The following UGT2A1 variants were observed in gnomAD, a reference collection of about 807,000 sequenced individuals.
UGT2A1 encodes UDP-glucuronosyltransferase 2A1.
Under a neutral mutation model 45.4 loss-of-function variants are expected in UGT2A1, and 61 were observed. The observed-to-expected ratio is 1.34, with a 90% CI of 1.09 to 1.66. The LOEUF is 1.66. UGT2A1 is among the 40% of genes most tolerant of loss of function. The pLI is 0.00. For missense variants in UGT2A1, 649 were observed against 574.3 expected (o/e 1.13, Z -1.33); for synonymous variants, 229 against 196.2 (o/e 1.17, Z -1.40).
At chr4:69,606,636 C>T (rs1237816657) in intron 3 of UGT2A1, among the ~76,000 whole-genome samples, 1 of 136,894 alleles carries the variant, frequency 7.3e-6, no homozygotes, top group Non-Finnish European at 1.6e-5. Flanking sequence ...CAAATTGTCC[C>T]TGTTTGCAGT....
In UGT2A1 at chr4:69,639,033, G is replaced by A. The variant is rs185641136; in HGVS notation, c.716-3211C>T. 488 of 1,613,194 alleles carry A rather than the reference G, an allele frequency of 3.0e-4. 1 individual carries two copies. In the African/African-American group the frequency reaches 5.9e-3, roughly 19 times the overall value. On this transcript the variant is annotated intron_variant, in intron 2 of 6. Transcript: ENST00000286604. Reference sequence around the variant, plus strand: ...GTCAGTGAGCTCTGATAAGGCTGCCGGTACATAGGAGACTGGTGCTGGGAT... The same window carrying A: ...GTCAGTGAGCTCTGATAAGGCTGCCAGTACATAGGAGACTGGTGCTGGGAT...
At chr4:69,648,251 CAT>C (rs1470936521) in intron 1 of UGT2A1, among the ~76,000 whole-genome samples, 1 of 148,166 alleles carries the variant, frequency 6.7e-6, no homozygotes, top group African/African-American at 2.5e-5. Context: ...ATGTATAACA[CAT>C]ATAGTATTAT....
Position 69,647,547 on chromosome 4 carries a change from C to G in UGT2A1, c.98G>C (p.Trp33Ser), listed in dbSNP as rs1722336642. Residue 33 changes from tryptophan (W) to serine (S), a missense_variant, in exon 2 of 7, where the codon TGG becomes TCG. Physicochemically the swap from Trp to Ser is radical, Grantham distance 177. Transcript: ENST00000286604. The stretch of plus-strand genomic sequence containing the variant: ...ATCTATAATTATCTTAACATTTAGC[C>G]AATGACTACCTTCCATTGGCCAAAT... ...VLIWPMEGSH[W>S]LNVKIIIDEL... The G allele has an allele frequency of 2.5e-6, 4 of 1,612,460 alleles. No individual in the cohort carries two copies. In the East Asian group the frequency reaches 6.7e-5, roughly 27 times the overall value.
intron 2 of UGT2A1, chr4:69,639,355 T>C (rs1277532021): frequency 1.2e-6 from 2 of 1,613,622 alleles, no homozygotes; most frequent in Non-Finnish European, 1.7e-6. Context: ...ATATGCTCAA[T>C]TAAGGAATCT....
At chr4:69,641,792 A>G (rs920936847) in intron 2 of UGT2A1, among the ~76,000 whole-genome samples, 1 of 151,754 alleles carries the variant, frequency 6.6e-6, no homozygotes, top group African/African-American at 2.4e-5. Flanking sequence ...AATGGCACCT[A>G]TTTCCTATAG....
chr4:69,633,974 G>A (rs1267395400), intron 3 of UGT2A1, among the ~76,000 whole-genome samples: 1 of 152,092 alleles, frequency 6.6e-6, no homozygotes, highest in Non-Finnish European at 1.5e-5. Flanking sequence ...GGCCGCGCGC[G>A]GTGGCTCACG....
intron 3 of UGT2A1, among the ~76,000 whole-genome samples, chr4:69,633,344 A>C (rs540033072): frequency 3.8e-4 from 58 of 152,326 alleles, no homozygotes; most frequent in African/African-American, 1.4e-3. Flanking sequence ...AATGGAGAAG[A>C]GCTGGAACCC....
chr4:69,602,359 C>A lies in UGT2A1; in HGVS notation c.848-2965G>T, dbSNP rs7671313. ...AATAGTAAGAGCATTCTTATCAAGACGAAAAAAAGTCAGTGGTATGTACTA... is the reference window on the plus strand; with the variant it reads ...AATAGTAAGAGCATTCTTATCAAGAAGAAAAAAAGTCAGTGGTATGTACTA... On this transcript the variant is annotated intron_variant, in intron 3 of 6. Transcript: ENST00000286604. 2.6e-4 allele frequency among the ~76,000 whole-genome samples: 35 copies of A among 135,480 alleles called. 9 individuals are homozygous for A. The highest frequency in any genetic ancestry group is 2.2e-3 in the Admixed American group (30 of 13,914). The allele number at this position is 135,480 out of a possible 152,430, so 88.9% of individuals were successfully genotyped here.
At chr4:69,627,852 A>G (rs547292090) in intron 3 of UGT2A1, among the ~76,000 whole-genome samples, 1 of 151,992 alleles carries the variant, frequency 6.6e-6, no homozygotes, top group Non-Finnish European at 1.5e-5. Context: ...TGTCATAGAC[A>G]ATATTACAGG....
At chr4:69,639,137 A>C in intron 2 of UGT2A1, 2 of 1,613,726 alleles carry the variant, frequency 1.2e-6, no homozygotes, top group Non-Finnish European at 1.7e-6. Flanking sequence ...ATTTCAGAGC[A>C]ACAAGATCAC....
intron 2 of UGT2A1, among the ~76,000 whole-genome samples, chr4:69,641,686 T>G (rs1034896934): frequency 2.6e-5 from 4 of 151,900 alleles, no homozygotes; most frequent in African/African-American, 9.7e-5. Flanking sequence ...CTTTGCTTTT[T>G]ACCTCAGAGT....
chr4:69,628,143 G>A (rs1442654488), intron 3 of UGT2A1, among the ~76,000 whole-genome samples: 1 of 151,684 alleles, frequency 6.6e-6, no homozygotes, highest in Admixed American at 6.6e-5. Context: ...TAGGTCTTAG[G>A]TTGAATATTT....
At chr4:69,634,633 A>G (rs1195260716) in intron 3 of UGT2A1, among the ~76,000 whole-genome samples, 1 of 152,162 alleles carries the variant, frequency 6.6e-6, no homozygotes, top group Non-Finnish European at 1.5e-5. Context: ...CACTTTATAT[A>G]TTTTACCATA....
At chr4:69,639,623 A>T in intron 2 of UGT2A1, 7 of 1,590,002 alleles carry the variant, frequency 4.4e-6, no homozygotes, top group Non-Finnish European at 6.0e-6. Context: ...GCATGGTAAA[A>T]TCCCTTATGG....
At chr4:69,649,870 C>T (rs538760612) in intron 1 of UGT2A1, among the ~76,000 whole-genome samples, 3 of 152,098 alleles carry the variant, frequency 2.0e-5, no homozygotes, top group South Asian at 2.1e-4. Context: ...CTGACACATG[C>T]GCAGTAAGGA....
chr4:69,638,183 C>T (rs1033385537), intron 2 of UGT2A1, among the ~76,000 whole-genome samples: 4 of 151,970 alleles, frequency 2.6e-5, no homozygotes, highest in South Asian at 2.1e-4. Context: ...ATTAGTGTCC[C>T]GAGTACTAAG....
At chr4:69,613,842 C>T (rs1720210770) in intron 3 of UGT2A1, among the ~76,000 whole-genome samples, 1 of 151,816 alleles carries the variant, frequency 6.6e-6, no homozygotes, top group African/African-American at 2.4e-5. Flanking sequence ...TTATAAAAGC[C>T]ATAAACCGCA....
chr4:69,621,119 G>A (rs1364648697), intron 3 of UGT2A1, among the ~76,000 whole-genome samples: 3 of 151,926 alleles, frequency 2.0e-5, no homozygotes, highest in Non-Finnish European at 4.4e-5. Flanking sequence ...GATGCCGAAA[G>A]CAATCACAAC....
At chr4:69,605,104 T>A (rs1169230098) in intron 3 of UGT2A1, among the ~76,000 whole-genome samples, 1 of 136,778 alleles carries the variant, frequency 7.3e-6, no homozygotes, top group Non-Finnish European at 1.6e-5. Flanking sequence ...CCACCCCAAA[T>A]CAACAGAATA....
Sources: allele counts gnomAD v4.1 joint callset (sites outside exome capture counted in the v4.1 genomes callset), GRCh38; gene constraint gnomAD v4.1.1; transcripts MANE v1.5; gene names NCBI Gene and HGNC (gene_info 2026-07-23, HGNC 2026-07-21).